ADRA1B: variants seen among roughly 807,000 people sequenced by gnomAD.
ADRA1B encodes the protein alpha-1B adrenergic receptor.
A neutral mutation model predicts 17.9 loss-of-function variants in ADRA1B; 17 were observed. The observed-to-expected ratio is 0.95, with a 90% confidence interval of 0.65 to 1.42. ADRA1B has a LOEUF of 1.42. ADRA1B is among the 40% of genes most tolerant of loss of function. The pLI is 0.00. For synonymous variants in ADRA1B, 366 were observed against 327.6 expected (o/e 1.12, Z -1.27); for missense variants, 681 against 722.1 (o/e 0.94, Z 0.65).
rs1755898484 is a variant in ADRA1B at position 159,972,519 on chromosome 5, T to G, written c.*27T>G. 1.3e-6 allele frequency: 1 copy of G among 744,304 alleles called. No individual in the cohort carries two copies. Among genetic ancestry groups the G allele is most frequent in the Non-Finnish European group, 1.5e-6 (1 of 649,930 alleles). The allele number at this position is 744,304 out of a possible 1,614,324, so 46.1% of individuals were successfully genotyped here. A position where few individuals can be genotyped will look rare whatever the true frequency, so the allele number is the denominator to read the frequency against. Reference sequence around the variant, plus strand: ...GCCCCCGTGCGCAGCTTTCTTTCCCTGGGGAGGAAAACATCGTGGGGGGGA... The same window carrying G: ...GCCCCCGTGCGCAGCTTTCTTTCCCGGGGGAGGAAAACATCGTGGGGGGGA... On this transcript the variant is annotated 3_prime_UTR_variant, in exon 2 of 2. Coordinates refer to ENST00000306675, the MANE Select transcript of ADRA1B (RefSeq NM_000679.4).
chr5:159,965,594 T>C (rs1755760781), intron 1 of ADRA1B, among the ~76,000 whole-genome samples: 2 of 152,182 alleles, frequency 1.3e-5, no homozygotes, highest in Non-Finnish European at 2.9e-5. Context: ...GACAGCTTCT[T>C]GGTTTCCACC....
chr5:159,943,443 G>A (rs987506304), intron 1 of ADRA1B, among the ~76,000 whole-genome samples: 2 of 152,020 alleles, frequency 1.3e-5, no homozygotes, highest in East Asian at 1.9e-4. Context: ...GTAAACCCAC[G>A]GGGCCAGTTC....
intron 1 of ADRA1B, among the ~76,000 whole-genome samples, chr5:159,919,227 G>A (rs893204168): frequency 2.6e-5 from 4 of 152,218 alleles, no homozygotes; most frequent in African/African-American, 4.8e-5. Flanking sequence ...TAAGCAGAAA[G>A]GGTTTGAAAA....
At chr5:159,980,784 C>T in the ADRA1B span, among the ~76,000 whole-genome samples, 823 of 151,896 alleles carry the variant, frequency 5.4e-3, 5 homozygotes, top group South Asian at 0.012. Flanking sequence ...TGTGAGGAAA[C>T]GGGGAAAATG....
chr5:159,886,637 C>T (rs1005839480), intron 1 of ADRA1B, among the ~76,000 whole-genome samples: 1 of 152,100 alleles, frequency 6.6e-6, no homozygotes, highest in African/African-American at 2.4e-5. Flanking sequence ...ACCTCATAGG[C>T]CTTGGATTGT....
At chr5:159,975,338 G>T (rs967396812), downstream of ADRA1B, among the ~76,000 whole-genome samples, 1 of 152,162 alleles carries the variant, frequency 6.6e-6, no homozygotes, top group Non-Finnish European at 1.5e-5. Flanking sequence ...GGAATTTGGA[G>T]TCAGTAGGGC....
At chr5:159,939,219 A>C (rs1369701509) in intron 1 of ADRA1B, among the ~76,000 whole-genome samples, 1 of 150,836 alleles carries the variant, frequency 6.6e-6, no homozygotes, top group Non-Finnish European at 1.5e-5. Flanking sequence ...GGAAACAAAG[A>C]GTGCTGGATT....
rs555804768 is a variant in ADRA1B, at chr5:159,934,348, G to A, written c.949+16494G>A. ...TAAGCCAGAAGCCTGGGCTCACCAA[G>A]TGATTCCCAGAATCTGACCAGGAAA... is the stretch of plus-strand genomic sequence containing the variant. On this transcript the variant is annotated intron_variant, in intron 1 of 1. Transcript: ENST00000306675. Among the ~76,000 whole-genome samples, 3 of 152,288 alleles carry A rather than the reference G, an allele frequency of 2.0e-5. No homozygotes were observed. The South Asian group carries it at 6.2e-4, about 32-fold the overall frequency.
chr5:159,867,525 GTACAGCTATACTTGCTGTTAGTATTT>G (rs1561578277), intron 1 of ADRA1B, among the ~76,000 whole-genome samples: 7 of 151,896 alleles, frequency 4.6e-5, no homozygotes, highest in East Asian at 1.9e-4. Context: ...CTTCACTCAG[GTACAGCTATACTTGCTGTTAGTATTT>G]TACAGCTATA....
rs985851524 is a variant in ADRA1B, at chr5:159,865,208, T to C, written c.-256+2T>C. Reference sequence around the variant, plus strand: ...CTTTGGAATGAAGGAGCACTTTTGGTGAGTCGAAAACTATTAGCTGACTGC... The same window carrying C: ...CTTTGGAATGAAGGAGCACTTTTGGCGAGTCGAAAACTATTAGCTGACTGC... On this transcript the variant is annotated splice_donor_variant, in intron 1 of 2. Transcript: ENST00000641205. LOFTEE classifies it low-confidence loss of function (5UTR_SPLICE). 1 of 152,188 alleles carries C rather than the reference T, an allele frequency of 6.6e-6. No homozygotes were observed. The highest frequency in any genetic ancestry group is 6.5e-5 in the Admixed American group (1 of 15,284). The allele number at this position is 152,188 out of a possible 1,614,324, so 9.4% of individuals were successfully genotyped here.
intron 1 of ADRA1B, among the ~76,000 whole-genome samples, chr5:159,925,490 C>T (rs1754619648): frequency 6.6e-6 from 1 of 152,160 alleles, no homozygotes; most frequent in Non-Finnish European, 1.5e-5. Flanking sequence ...ACATTTCAGA[C>T]CCGGATTCAC....
chr5:159,905,803 G>A (rs1297888855), intron 1 of ADRA1B, among the ~76,000 whole-genome samples: 3 of 152,164 alleles, frequency 2.0e-5, no homozygotes, highest in Non-Finnish European at 4.4e-5. Flanking sequence ...CCTGAGCTGA[G>A]GTGTGATGAA....
At chr5:159,920,502 T>C (rs1754450009) in intron 1 of ADRA1B, among the ~76,000 whole-genome samples, 1 of 152,100 alleles carries the variant, frequency 6.6e-6, no homozygotes, top group African/African-American at 2.4e-5. Context: ...GTTTCTCTTC[T>C]CCTTGCGATG....
rs1022850692 is a variant in ADRA1B at position 159,885,355 on chromosome 5, C to T, written c.-256+20149C>T. 2.0e-5 allele frequency among the ~76,000 whole-genome samples: 3 copies of T among 152,168 alleles called. No individual in the cohort carries two copies. In the East Asian group the frequency reaches 5.8e-4, roughly 29 times the overall value. On this transcript the variant is annotated intron_variant, in intron 1 of 2. Transcript: ENST00000641205. ...AGCCTCAGGTGAAACTGACTGCAGC[C>T]CCCAACTCCAGGGTGAGTTCTATTG... is the stretch of plus-strand genomic sequence containing the variant.
At chr5:159,894,247 T>C (rs567042335) in intron 1 of ADRA1B, among the ~76,000 whole-genome samples, 8 of 152,330 alleles carry the variant, frequency 5.3e-5, no homozygotes, top group Admixed American at 3.9e-4. Context: ...ACAAATGTGA[T>C]CCCTGCCCTC....
At chr5:159,872,031 T>C (rs182542261) in intron 1 of ADRA1B, among the ~76,000 whole-genome samples, 24 of 152,352 alleles carry the variant, frequency 1.6e-4, no homozygotes, top group Admixed American at 4.6e-4. Context: ...AACTCCAACA[T>C]TGCTTTTTCA....
intron 1 of ADRA1B, among the ~76,000 whole-genome samples, chr5:159,882,368 A>G (rs531292164): frequency 2.6e-5 from 4 of 152,312 alleles, no homozygotes; most frequent in African/African-American, 9.6e-5. Flanking sequence ...CTCTGGCAGC[A>G]GTGCAATCCT....
At chr5:159,948,682 T>G (rs1345534506) in intron 1 of ADRA1B, among the ~76,000 whole-genome samples, 2 of 152,258 alleles carry the variant, frequency 1.3e-5, no homozygotes, top group African/African-American at 2.4e-5. Context: ...TGACGTATTA[T>G]GAACACGTTT....
chr5:159,962,660 G>GT (rs1034950690), intron 1 of ADRA1B, among the ~76,000 whole-genome samples: 16 of 136,826 alleles, frequency 1.2e-4, no homozygotes, highest in African/African-American at 4.1e-4. Context: ...CTTTTGGCTT[G>GT]TTTTTCAGCT....
Sources: allele counts gnomAD v4.1 joint callset (sites outside exome capture counted in the v4.1 genomes callset), GRCh38; gene constraint gnomAD v4.1.1; transcripts MANE v1.5; gene names NCBI Gene and HGNC (gene_info 2026-07-23, HGNC 2026-07-21).